The following WFDC9 variants were observed in gnomAD, a reference collection of about 807,000 sequenced individuals.
WFDC9 encodes the protein protein WFDC9.
A neutral mutation model predicts 9.5 loss-of-function variants in WFDC9; 9 were observed. That is an observed-to-expected ratio of 0.95 (90% confidence interval 0.57 to 1.65). The LOEUF (loss-of-function observed/expected upper bound fraction) is 1.65, where lower values mean the gene tolerates loss of function less well. WFDC9 is among the 40% of genes most tolerant of loss of function. WFDC9 has a pLI of 0.00. For missense variants in WFDC9, 87 were observed against 106.7 expected, an observed-to-expected ratio of 0.82 and a Z score of 0.81; for synonymous variants, 33 against 32.3, an observed-to-expected ratio of 1.02 and a Z score of -0.07.
intron 1 of WFDC9, among the ~76,000 whole-genome samples, chr20:45,624,683 A>C (rs1357444372): frequency 6.6e-6 from 1 of 152,214 alleles, no homozygotes; most frequent in Non-Finnish European, 1.5e-5. Context: ...TATTCCCACC[A>C]ACAGTGTATA....
intron 1 of WFDC9, among the ~76,000 whole-genome samples, chr20:45,620,723 C>T (rs927726385): frequency 6.6e-6 from 1 of 152,050 alleles, no homozygotes. Flanking sequence ...TTTTTCTTTA[C>T]CAGTATAAAA....
At chr20:45,630,750 G>A in intron 1 of WFDC9, 1 of 1,143,408 alleles carries the variant, frequency 8.7e-7, no homozygotes, top group Non-Finnish European at 1.2e-6. Context: ...GTTCTATGAA[G>A]AAGGAATCCA....
At chr20:45,610,658 G>A (rs1019606083) in intron 2 of WFDC9, among the ~76,000 whole-genome samples, 3 of 152,148 alleles carry the variant, frequency 2.0e-5, no homozygotes, top group Non-Finnish European at 2.9e-5. Context: ...ATGATGTAAA[G>A]AAGTTTTAGT....
Position 45,611,432 on chromosome 20 carries a change from A to G in WFDC9, c.-58-1193T>C, listed in dbSNP as rs550130046. 5.3e-5 allele frequency among the ~76,000 whole-genome samples: 8 copies of G among 152,302 alleles called. 1 individual carries two copies. The South Asian group carries it at 1.7e-3, about 32-fold the overall frequency. On this transcript the variant is annotated intron_variant, in intron 2 of 4. Transcript: ENST00000326000. ...ACATTTTACTTATTATATTGAGAAG[A>G]TGTTTCATGACTGGAGAATCACATA... is the stretch of plus-strand genomic sequence containing the variant.
chr20:45,612,957 G>A (rs1024837885), intron 2 of WFDC9, among the ~76,000 whole-genome samples: 3 of 152,218 alleles, frequency 2.0e-5, no homozygotes, highest in African/African-American at 7.2e-5. Flanking sequence ...TTGCATCATT[G>A]CATGAACAAG....
intron 1 of WFDC9, among the ~76,000 whole-genome samples, chr20:45,617,567 C>G (rs1982000387): frequency 6.6e-6 from 1 of 152,156 alleles, no homozygotes; most frequent in South Asian, 2.1e-4. Flanking sequence ...GCTATGTTCC[C>G]TAGGCTTGTC....
At chr20:45,620,315 A>G (rs1034380969) in intron 1 of WFDC9, among the ~76,000 whole-genome samples, 2 of 152,140 alleles carry the variant, frequency 1.3e-5, no homozygotes, top group East Asian at 1.9e-4. Flanking sequence ...AACCTGCTCA[A>G]TTGGGCCGGG....
intron 4 of WFDC9, 116 bp from the exon 5 acceptor site, chr20:45,608,256 G>GAA: frequency 1.6e-6 from 2 of 1,235,296 alleles, no homozygotes; most frequent in Non-Finnish European, 2.3e-6. Flanking sequence ...TAAATCAGAA[G>GAA]TTACCCACTT....
At chr20:45,625,564 CCT>C (rs1982198511) in intron 1 of WFDC9, among the ~76,000 whole-genome samples, 1 of 152,006 alleles carries the variant, frequency 6.6e-6, no homozygotes, top group African/African-American at 2.4e-5. Context: ...AAGTATTTCC[CCT>C]GTGTTTTCTT....
intron 1 of WFDC9, among the ~76,000 whole-genome samples, chr20:45,617,894 G>T (rs552528802): frequency 3.3e-5 from 5 of 151,728 alleles, no homozygotes; most frequent in African/African-American, 1.2e-4. Flanking sequence ...TTACCAGAAA[G>T]TAAGCTAGAG....
intron 2 of WFDC9, among the ~76,000 whole-genome samples, chr20:45,613,761 T>C (rs1360160850): frequency 6.6e-6 from 1 of 152,216 alleles, no homozygotes; most frequent in Admixed American, 6.5e-5. Context: ...GGCAAGATAC[T>C]CATTCCTTGA....
chr20:45,626,447 T>C (rs1039396795), intron 1 of WFDC9, among the ~76,000 whole-genome samples: 7 of 152,230 alleles, frequency 4.6e-5, no homozygotes, highest in South Asian at 2.1e-4. Flanking sequence ...TTTCCATTTG[T>C]TTGTATCCTC....
intron 1 of WFDC9, among the ~76,000 whole-genome samples, chr20:45,616,519 A>T (rs148034855): frequency 1.7e-4 from 26 of 152,318 alleles, no homozygotes; most frequent in African/African-American, 6.3e-4. Flanking sequence ...ACCTCCTTCC[A>T]TGAATCATGG....
chr20:45,629,099 GTGTT>G (rs1048849057), intron 1 of WFDC9, among the ~76,000 whole-genome samples: 16 of 152,038 alleles, frequency 1.1e-4, no homozygotes, highest in South Asian at 4.1e-4. Flanking sequence ...CTCTTTCTGT[GTGTT>G]TATGTGTGTT....
At chr20:45,626,243 G>A (rs1600924181) in intron 1 of WFDC9, among the ~76,000 whole-genome samples, 1 of 152,262 alleles carries the variant, frequency 6.6e-6, no homozygotes, top group East Asian at 1.9e-4. Flanking sequence ...CTCCAGCTTT[G>A]TTCTTTTTGT....
chr20:45,623,856 T>G (rs1361303977), intron 1 of WFDC9, among the ~76,000 whole-genome samples: 2 of 152,156 alleles, frequency 1.3e-5, no homozygotes, highest in Non-Finnish European at 2.9e-5. Context: ...TATAGAACAC[T>G]AGAACTTATT....
chr20:45,619,757 G>A (rs1982053265), intron 1 of WFDC9, among the ~76,000 whole-genome samples: 2 of 152,196 alleles, frequency 1.3e-5, no homozygotes, highest in Admixed American at 1.3e-4. Context: ...GGGCGTGGTG[G>A]CTCATGCCTG....
intron 1 of WFDC9, among the ~76,000 whole-genome samples, chr20:45,627,872 T>A (rs1982256118): frequency 6.6e-6 from 1 of 152,176 alleles, no homozygotes; most frequent in Non-Finnish European, 1.5e-5. Context: ...TTGTTCAGAC[T>A]TTTTTTATAG....
intron 2 of WFDC9, among the ~76,000 whole-genome samples, chr20:45,613,209 C>T (rs1232365669): frequency 2.6e-5 from 4 of 152,152 alleles, no homozygotes; most frequent in East Asian, 1.9e-4. Flanking sequence ...ATACATAGGA[C>T]GATGGGAATA....
Sources: allele counts gnomAD v4.1 joint callset (sites outside exome capture counted in the v4.1 genomes callset), GRCh38; gene constraint gnomAD v4.1.1; transcripts MANE v1.5; gene names NCBI Gene and HGNC (gene_info 2026-07-23, HGNC 2026-07-21).